Variants in DEFB104B observed in about 807,000 individuals in gnomAD.
The protein encoded by DEFB104B is beta-defensin 104.
rs149505562 is a variant in DEFB104B, at chr8:7,474,706, C to T, written c.58+305G>A. The stretch of plus-strand genomic sequence containing the variant: ...AACAAGCATGGCTAGTGAGTCCTCA[C>T]TGCTGAGGATTCCATGAGGAATTGT... On this transcript the variant is annotated intron_variant, in intron 1 of 1. Transcript: ENST00000316169. Among the ~76,000 whole-genome samples the T allele has an allele frequency of 2.1e-3, 289 of 139,000 alleles. 14 individuals are homozygous for T. The highest frequency in any genetic ancestry group is 7.5e-3 in the Middle Eastern group (2 of 268). The allele number at this position is 139,000 out of a possible 152,430, so 91.2% of individuals were successfully genotyped here.
chr8:7,471,134 C>T (rs1469710490), intron 1 of DEFB104B, among the ~76,000 whole-genome samples: 1 of 151,922 alleles, frequency 6.6e-6, no homozygotes, highest in Non-Finnish European at 1.5e-5. Context: ...TCACCTATCG[C>T]AAGTTGTAGT....
Position 7,474,058 on chromosome 8 carries a change from A to T in DEFB104B, c.58+953T>A, listed in dbSNP as rs578224899. On this transcript the variant is annotated intron_variant, in intron 1 of 1. Coordinates refer to ENST00000316169, the MANE Select transcript of DEFB104B (RefSeq NM_001040702.1). ...CGGGAAGAAAGAAAAAGGAAGAGTT[A>T]ACCTAAACAGGTACCCTCTGAAAAA... is the stretch of plus-strand genomic sequence containing the variant. Among the ~76,000 whole-genome samples, 536 of 140,668 alleles carry T rather than the reference A, an allele frequency of 3.8e-3. 40 individuals are homozygous for T. Among genetic ancestry groups the T allele is most frequent in the African/African-American group, 0.013 (500 of 38,372 alleles). 92.3% of individuals were successfully genotyped at this position (140,668 alleles called of 152,430 possible).
At chr8:7,474,647 T>C (rs1196951021) in intron 1 of DEFB104B, among the ~76,000 whole-genome samples, 1 of 141,180 alleles carries the variant, frequency 7.1e-6, no homozygotes, top group Non-Finnish European at 1.6e-5. Flanking sequence ...TTCTACAAAA[T>C]CAACAATGAA....
Position 7,471,204 on chromosome 8 carries a change from A to G in DEFB104B, c.59-688T>C, listed in dbSNP as rs1206735725. 3.9e-3 allele frequency among the ~76,000 whole-genome samples: 543 copies of G among 140,526 alleles called. 1 individual carries two copies. Among genetic ancestry groups the G allele is most frequent in the Non-Finnish European group, 6.0e-3 (387 of 64,376 alleles). The allele number at this position is 140,526 out of a possible 152,430, so 92.2% of individuals were successfully genotyped here. ...TACACATATATAGAGAGAGATACATACAAACATAGACATAGATATAGATAT... is the reference window on the plus strand; with the variant it reads ...TACACATATATAGAGAGAGATACATGCAAACATAGACATAGATATAGATAT... On this transcript the variant is annotated intron_variant, in intron 1 of 1. Transcript: ENST00000316169.
intron 1 of DEFB104B, among the ~76,000 whole-genome samples, chr8:7,474,458 G>A (rs1298221663): frequency 7.0e-6 from 1 of 141,884 alleles, no homozygotes; most frequent in African/African-American, 2.6e-5. Context: ...GAGTTCAAAG[G>A]CACCTGCTAT....
rs1810980917 is a variant in DEFB104B at position 7,472,284 on chromosome 8, G to T, written c.59-1768C>A. 3.0e-5 allele frequency among the ~76,000 whole-genome samples: 4 copies of T among 134,374 alleles called. No homozygotes were observed. The Admixed American group carries it at 3.0e-4, about 10-fold the overall frequency. The allele number at this position is 134,374 out of a possible 152,430, so 88.2% of individuals were successfully genotyped here. A position where few individuals can be genotyped will look rare whatever the true frequency, so the allele number is the denominator to read the frequency against. On this transcript the variant is annotated intron_variant, in intron 1 of 1. Transcript: ENST00000316169. The stretch of plus-strand genomic sequence containing the variant: ...GACAGCATGCTTGCTCAGGGAAAAC[G>T]AAGCTTAGCGTTAGGGGAGAAGGAG...
intron 1 of DEFB104B, among the ~76,000 whole-genome samples, chr8:7,473,164 A>G (rs1811012753): frequency 9.5e-6 from 1 of 105,726 alleles, no homozygotes; most frequent in Non-Finnish European, 2.0e-5. Flanking sequence ...GCTGATTTAC[A>G]TTGGTTTGGT....
intron 1 of DEFB104B, among the ~76,000 whole-genome samples, chr8:7,474,033 C>T (rs1476274316): frequency 1.4e-5 from 2 of 139,494 alleles, no homozygotes; most frequent in Non-Finnish European, 3.2e-5. Context: ...GGAAATGACA[C>T]GGGAAGAAAG....
intron 1 of DEFB104B, among the ~76,000 whole-genome samples, chr8:7,472,970 C>G (rs1199723663): frequency 9.6e-6 from 1 of 104,616 alleles, no homozygotes; most frequent in Admixed American, 1.1e-4. Flanking sequence ...GATTCTCCTG[C>G]CTCCGCCTCC....
At chr8:7,470,851 T>C (rs200921533) in intron 1 of DEFB104B, among the ~76,000 whole-genome samples, 21,591 of 109,942 alleles carry the variant, frequency 0.2, 61 homozygotes, top group African/African-American at 0.23. Context: ...TTTTTCAGAC[T>C]CATGCTTTTC....
At position 7,474,581 on chromosome 8, in the gene DEFB104B, C is replaced by T. The variant is rs114618759; in HGVS notation, c.58+430G>A. ...AAAATTTAGGAGGATGAGTAGGCGC[C>T]CTTTCTGTGCAGAGTAAAGCTGTTC... On this transcript the variant is annotated intron_variant, in intron 1 of 1. Transcript: ENST00000316169. 2.8e-3 allele frequency among the ~76,000 whole-genome samples: 400 copies of T among 140,988 alleles called. 33 individuals carry two copies. Among genetic ancestry groups the T allele is most frequent in the African/African-American group, 1.0e-2 (383 of 38,452 alleles). The allele number at this position is 140,988 out of a possible 152,430, so 92.5% of individuals were successfully genotyped here.
At chr8:7,474,232 C>T (rs1220476556) in intron 1 of DEFB104B, among the ~76,000 whole-genome samples, 8 of 145,246 alleles carry the variant, frequency 5.5e-5, no homozygotes, top group Non-Finnish European at 1.1e-4. Flanking sequence ...CAATTGGTTT[C>T]GTCCCAGCAC....
At chr8:7,473,038 G>A (rs1211053587) in intron 1 of DEFB104B, among the ~76,000 whole-genome samples, 111 of 141,544 alleles carry the variant, frequency 7.8e-4, no homozygotes, top group Non-Finnish European at 1.4e-3. Flanking sequence ...TGTATTTTTA[G>A]TAGAGACGAG....
chr8:7,472,960 G>A (rs1373822645), intron 1 of DEFB104B, among the ~76,000 whole-genome samples: 92 of 109,974 alleles, frequency 8.4e-4, no homozygotes, highest in Non-Finnish European at 1.4e-3. Flanking sequence ...GGGTTCAAGC[G>A]ATTCTCCTGC....
intron 1 of DEFB104B, among the ~76,000 whole-genome samples, chr8:7,474,461 C>A (rs1353563521): frequency 7.0e-6 from 1 of 142,082 alleles, no homozygotes; most frequent in African/African-American, 2.6e-5. Flanking sequence ...TTCAAAGGCA[C>A]CTGCTATTTG....
At chr8:7,473,800 A>G (rs1481945448) in intron 1 of DEFB104B, among the ~76,000 whole-genome samples, 7 of 129,776 alleles carry the variant, frequency 5.4e-5, no homozygotes, top group Admixed American at 1.6e-4. Context: ...ATTCAACTGC[A>G]GAGGACAGTC....
At chr8:7,472,714 C>G (rs976779630) in intron 1 of DEFB104B, among the ~76,000 whole-genome samples, 1 of 132,274 alleles carries the variant, frequency 7.6e-6, no homozygotes, top group Non-Finnish European at 1.6e-5. Flanking sequence ...GAGGACACAC[C>G]TGTGACACAA....
intron 1 of DEFB104B, among the ~76,000 whole-genome samples, chr8:7,472,334 C>T (rs1397788821): frequency 1.7e-5 from 2 of 120,370 alleles, no homozygotes; most frequent in African/African-American, 3.4e-5. Flanking sequence ...AGAACCCAAC[C>T]TTTAAAATGT....
chr8:7,472,517 G>A (rs1383759482), intron 1 of DEFB104B, among the ~76,000 whole-genome samples: 1 of 137,732 alleles, frequency 7.3e-6, no homozygotes, highest in Non-Finnish European at 1.5e-5. Flanking sequence ...GCAAAAGGGA[G>A]AATGCAGTCC....
Sources: gnomAD v4.1 joint callset for allele counts (sites outside exome capture counted in the v4.1 genomes callset) on GRCh38, gnomAD v4.1.1 for gene constraint, MANE v1.5 for transcripts, NCBI Gene and HGNC (gene_info 2026-07-23, HGNC 2026-07-21) for gene names.